Variants in TRIP6 observed in about 807,000 individuals in gnomAD.
The protein encoded by TRIP6 is thyroid receptor-interacting protein 6.
In TRIP6, 33 loss-of-function variants were observed where a neutral mutation model predicts 51.9. The observed-to-expected ratio is 0.64, with a 90% CI of 0.48 to 0.85. The LOEUF (loss-of-function observed/expected upper bound fraction) is 0.85. Among genes scored for constraint, TRIP6 ranks in the 40% least tolerant of loss-of-function variants. The pLI, the probability that TRIP6 is intolerant of heterozygous loss-of-function variation, is 0.00. For synonymous variants in TRIP6, 255 were observed against 275.8 expected, an observed-to-expected ratio of 0.92 and a Z score of 0.75; for missense variants, 661 against 652.1, an observed-to-expected ratio of 1.01 and a Z score of -0.15.
chr7:100,868,597 T>C lies in TRIP6; in HGVS notation c.466T>C (p.Ser156Pro). The C allele has an allele frequency of 6.2e-7, 1 of 1,612,972 alleles. No individual in the cohort carries two copies. The highest frequency in any genetic ancestry group is 8.5e-7 in the Non-Finnish European group (1 of 1,179,984). Residue 156 changes from serine (S) to proline (P), a missense_variant, in exon 4 of 9, where the codon TCT (serine) becomes CCT (proline). Physicochemically the swap from Ser to Pro is moderately conservative, Grantham distance 74 (BLOSUM62 -1). Coordinates refer to ENST00000200457, the MANE Select transcript of TRIP6 (RefSeq NM_003302.3). ...TCCCTATGGGGGCCCCACTCCAGCC[T>C]CTTACACTACCGCCAGCACCCCGGC... ...ASPYGGPTPA[S>P]YTTASTPAGP...
At chr7:100,868,412 C>G (rs1815193286) in intron 3 of TRIP6, 83 bp from the exon 4 acceptor site, 1 of 1,600,310 alleles carries the variant, frequency 6.2e-7, no homozygotes, top group Admixed American at 1.7e-5. Context: ...GCCTGTGCTT[C>G]CCCACAGCCA....
At position 100,867,490 on chromosome 7, in the gene TRIP6, T is replaced by G. The variant is rs1815163249; in HGVS notation, c.-8T>G. ...AAGACCGCTGTCTGGAGTCCCCCTT[T>G]CCAGGCCATGTCGGGGCCCACCTGG... On this transcript the variant is annotated 5_prime_UTR_variant, in exon 1 of 9. Coordinates refer to ENST00000200457, the MANE Select transcript of TRIP6 (RefSeq NM_003302.3). The surrounding 1 kb of genome is among the most constrained non-coding windows in gnomAD (Gnocchi z 5.4). 6.8e-7 allele frequency: 1 copy of G among 1,470,616 alleles called. No homozygotes were observed. The allele number at this position is 1,470,616 out of a possible 1,614,324, so 91.1% of individuals were successfully genotyped here.
Position 100,870,651 on chromosome 7 carries a change from G to T in TRIP6, c.907G>T (p.Gly303Cys). 1 of 1,614,112 alleles carries T rather than the reference G, an allele frequency of 6.2e-7. No homozygotes were observed. Among genetic ancestry groups the T allele is most frequent in the Non-Finnish European group, 8.5e-7 (1 of 1,179,976 alleles). Residue 303 changes from glycine to cysteine, a missense_variant, in exon 6 of 9, where the codon GGC becomes TGC. By Grantham distance (159) the Gly-to-Cys change is radical. Transcript: ENST00000200457. ...GGCCCTTGATCGCGTCTTTCACGTG[G>T]GCTGCTTTGTATGTTCTACATGCCG... ...VVALDRVFHV[G>C]CFVCSTCRAQ...
Position 100,867,492 on chromosome 7 carries a change from C to T in TRIP6, c.-6C>T. 1 of 1,471,950 alleles carries T rather than the reference C, an allele frequency of 6.8e-7. No individual in the cohort carries two copies. Among genetic ancestry groups the T allele is most frequent in the Non-Finnish European group, 9.0e-7 (1 of 1,112,070 alleles). The allele number at this position is 1,471,950 out of a possible 1,614,324, so 91.2% of individuals were successfully genotyped here. On this transcript the variant is annotated 5_prime_UTR_variant, in exon 1 of 9. Coordinates refer to ENST00000200457, the MANE Select transcript of TRIP6 (RefSeq NM_003302.3). The surrounding 1 kb of genome is among the most constrained non-coding windows in gnomAD (Gnocchi z 5.4). The stretch of plus-strand genomic sequence containing the variant: ...GACCGCTGTCTGGAGTCCCCCTTTC[C>T]AGGCCATGTCGGGGCCCACCTGGCT...
intron 6 of TRIP6, 65 bp downstream of exon 6, chr7:100,870,808 G>A (rs1815253907): frequency 1.9e-6 from 3 of 1,548,900 alleles, no homozygotes; most frequent in Admixed American, 3.8e-5. Flanking sequence ...ATCCAAGGTG[G>A]TAACTAGAGC....
rs762049040 is a variant in TRIP6 at position 100,868,173 on chromosome 7, C to T, written c.303C>T (p.Ser101=). ...TGGACGCCGAGATAGACTTGCTGAG[C>T]AGCACGCTGGCCGAGCTGAATGGGG... ...GSLDAEIDLL[S]STLAELNGGR... The change falls in exon 3 of 9, where the codon AGC becomes AGT. Residue 101 remains serine, a synonymous_variant. Coordinates refer to ENST00000200457, the MANE Select transcript of TRIP6 (RefSeq NM_003302.3). 2 of 1,610,456 alleles carry T rather than the reference C, an allele frequency of 1.2e-6. No homozygotes were observed. Among genetic ancestry groups the T allele is most frequent in the Admixed American group, 1.7e-5 (1 of 58,986 alleles).
Position 100,868,244 on chromosome 7 carries a change from C to A in TRIP6, c.363+11C>A, listed in dbSNP as rs763180311. The A allele has an allele frequency of 6.2e-6, 10 of 1,604,986 alleles. No homozygotes were observed. The Admixed American group carries it at 1.7e-4, about 27-fold the overall frequency. On this transcript the variant is annotated intron_variant, in intron 3 of 8. Transcript: ENST00000200457. ...CGACCAGACCGACAGGTGACTCTGCCCCTCCTCCCCGTCAGCACCCTGCCC... is the reference window on the plus strand; with the variant it reads ...CGACCAGACCGACAGGTGACTCTGCACCTCCTCCCCGTCAGCACCCTGCCC...
rs1815324818 is a variant in TRIP6, at chr7:100,873,440, C to T, written c.*137C>T. On this transcript the variant is annotated 3_prime_UTR_variant, in exon 9 of 9. Transcript: ENST00000200457. ...CTCCAATCAAGAAATAATAATCCCT[C>T]GAGTTTACAAAACACTTCCAAGTCT... is the stretch of plus-strand genomic sequence containing the variant. 9 of 1,328,886 alleles carry T rather than the reference C, an allele frequency of 6.8e-6. No individual in the cohort carries two copies. The South Asian group carries it at 7.9e-5, about 12-fold the overall frequency. 82.3% of individuals were successfully genotyped at this position (1,328,886 alleles called of 1,614,324 possible). A position where few individuals can be genotyped will look rare whatever the true frequency, so the allele number is the denominator to read the frequency against.
At position 100,867,445 on chromosome 7, in the gene TRIP6, G is replaced by A; in HGVS notation, c.-53G>A. 1 of 1,311,062 alleles carries A rather than the reference G, an allele frequency of 7.6e-7. No individual in the cohort carries two copies. Among genetic ancestry groups the A allele is most frequent in the Middle Eastern group, 1.9e-4 (1 of 5,146 alleles). The allele number at this position is 1,311,062 out of a possible 1,614,324, so 81.2% of individuals were successfully genotyped here. ...GGTGCGGGACGGAAGAGGGGGTGAA[G>A]GCCAGAGGCTCGGGGCTTCAAGACC... On this transcript the variant is annotated 5_prime_UTR_variant, in exon 1 of 9. Coordinates refer to ENST00000200457, the MANE Select transcript of TRIP6 (RefSeq NM_003302.3). The surrounding 1 kb of genome is among the most constrained non-coding windows in gnomAD (Gnocchi z 5.4).
chr7:100,871,703 G>A lies in TRIP6; in HGVS notation c.1160G>A (p.Cys387Tyr). 2 of 1,613,938 alleles carry A rather than the reference G, an allele frequency of 1.2e-6. No homozygotes were observed. Among genetic ancestry groups the A allele is most frequent in the South Asian group, 1.1e-5 (1 of 91,088 alleles). Residue 387 changes from cysteine to tyrosine, a missense_variant, in exon 7 of 9, where the codon TGC (cysteine) becomes TAC (tyrosine). By Grantham distance (194) the Cys-to-Tyr change is radical. Coordinates refer to ENST00000200457, the MANE Select transcript of TRIP6 (RefSeq NM_003302.3). ...FTVDATSQIH[C>Y]IEDFHRKFAP... ...GTGGATGCTACGAGCCAGATCCACT[G>A]CATTGAGGACTTTCACAGGTCAGGC...
Position 100,867,551 on chromosome 7 carries a change from T to C in TRIP6, c.54T>C (p.Pro18=). ...PPKQPEPARA[P]QGRAIPRGTP... is the part of the protein sequence containing the mutation. ...AGCAGCCGGAGCCCGCCAGAGCCCCTCAGGGGAGGGCGATCCCCCGCGGCA... is the reference window on the plus strand; with the variant it reads ...AGCAGCCGGAGCCCGCCAGAGCCCCCCAGGGGAGGGCGATCCCCCGCGGCA... The change falls in exon 1 of 9, where the codon CCT becomes CCC. Residue 18 remains proline, a synonymous_variant. Coordinates refer to ENST00000200457, the MANE Select transcript of TRIP6 (RefSeq NM_003302.3). The surrounding 1 kb of genome is among the most constrained non-coding windows in gnomAD (Gnocchi z 5.4). 2 of 1,539,168 alleles carry C rather than the reference T, an allele frequency of 1.3e-6. No individual in the cohort carries two copies. Among genetic ancestry groups the C allele is most frequent in the Non-Finnish European group, 8.7e-7 (1 of 1,144,808 alleles).
In TRIP6 at chr7:100,868,466, T is replaced by A. The variant is rs1815194547; in HGVS notation, c.364-29T>A. On this transcript the variant is annotated intron_variant, in intron 3 of 8. Coordinates refer to ENST00000200457, the MANE Select transcript of TRIP6 (RefSeq NM_003302.3). ...TGGGTCTTGGAGTGGGGTCCTTGCT[T>A]ACGACTTCTGGCCTGCGTTTCTCCT... 8 of 1,612,942 alleles carry A rather than the reference T, an allele frequency of 5.0e-6. No homozygotes were observed. In the East Asian group the frequency reaches 1.8e-4, roughly 36 times the overall value.
chr7:100,871,080 C>G (rs888533464), intron 6 of TRIP6: 1 of 514,476 alleles, frequency 1.9e-6, no homozygotes, highest in South Asian at 1.5e-5. Flanking sequence ...GTTGCGCAGA[C>G]TGGAGTGCAG....
In TRIP6 at chr7:100,870,690, G is replaced by A. The variant is rs767420602; in HGVS notation, c.946G>A (p.Gly316Ser). The A allele has an allele frequency of 4.9e-5, 79 of 1,614,002 alleles. No individual in the cohort carries two copies. Among genetic ancestry groups the A allele is most frequent in the East Asian group, 8.9e-5 (4 of 44,898 alleles). The change falls in exon 6 of 9, where the codon GGC becomes AGC. Residue 316 changes from glycine to serine, a missense_variant. Gly to Ser is a moderately conservative substitution (Grantham distance 56). Coordinates refer to ENST00000200457, the MANE Select transcript of TRIP6 (RefSeq NM_003302.3). ...VCSTCRAQLR[G>S]QHFYAVERRA... The stretch of plus-strand genomic sequence containing the variant: ...TTCTACATGCCGGGCCCAGCTTCGC[G>A]GCCAGCATTTCTACGCCGTGGAGAG...
Position 100,871,606 on chromosome 7 carries a change from G to C in TRIP6, c.1063G>C (p.Gly355Arg), listed in dbSNP as rs1339292688. The C allele has an allele frequency of 6.2e-7, 1 of 1,614,128 alleles. No homozygotes were observed. Among genetic ancestry groups the C allele is most frequent in the Admixed American group, 1.7e-5 (1 of 60,022 alleles). The change falls in exon 7 of 9, where the codon GGG becomes CGG. Residue 355 changes from glycine to arginine, a missense_variant. Gly to Arg is a moderately radical substitution (Grantham distance 125). Transcript: ENST00000200457. Reference sequence around the variant, plus strand: ...CCTGGACCGGATCCTGCGGGCTATGGGGAAGGCCTACCACCCTGGCTGCTT... The same window carrying C: ...CCTGGACCGGATCCTGCGGGCTATGCGGAAGGCCTACCACCCTGGCTGCTT... ...PILDRILRAM[G>R]KAYHPGCFTC...
chr7:100,869,927 G>A lies in TRIP6; in HGVS notation c.736-443G>A, dbSNP rs540222847. ...ATATATAGTATATATAATTGTTTCG[G>A]TATATATTACAATGTATATTACAAT... is the stretch of plus-strand genomic sequence containing the variant. On this transcript the variant is annotated intron_variant, in intron 4 of 8. Coordinates refer to ENST00000200457, the MANE Select transcript of TRIP6 (RefSeq NM_003302.3). Among the ~76,000 whole-genome samples, 233 of 151,100 alleles carry A rather than the reference G, an allele frequency of 1.5e-3. 3 individuals are homozygous for A. The highest frequency in any genetic ancestry group is 5.5e-3 in the African/African-American group (225 of 41,254).
chr7:100,872,388 T>G (rs1815293948), intron 7 of TRIP6, among the ~76,000 whole-genome samples: 1 of 151,852 alleles, frequency 6.6e-6, no homozygotes, highest in Non-Finnish European at 1.5e-5. Context: ...AGGCTGGTCT[T>G]GAACGCCTGG....
Position 100,868,756 on chromosome 7 carries a change from TG to T in TRIP6, c.630del (p.Pro211LeufsTer38). 1.3e-6 allele frequency: 2 copies of T among 1,547,244 alleles called. No homozygotes were observed. Among genetic ancestry groups the T allele is most frequent in the Non-Finnish European group, 1.7e-6 (2 of 1,150,766 alleles). ...TCCTCTCCCAGGCCGAGGTGAAGTC[TG>T]GGGGCCTGGCTATAGGAGCCAGAGA... ...HFPLPGRGEV[W>X]GPGYRSQREP... On this transcript the variant is annotated frameshift_variant, in exon 4 of 9. Coordinates refer to ENST00000200457, the MANE Select transcript of TRIP6 (RefSeq NM_003302.3). LOFTEE classifies it high-confidence loss of function.
chr7:100,872,852 C>CCT, intron 8 of TRIP6, 108 bp downstream of exon 8: 1 of 1,179,318 alleles, frequency 8.5e-7, no homozygotes, highest in Non-Finnish European at 1.1e-6. Flanking sequence ...TTGCTTCTTT[C>CCT]TTTTTTTTTT....
Sources: gnomAD v4.1 joint callset for allele counts (sites outside exome capture counted in the v4.1 genomes callset) on GRCh38, gnomAD v4.1.1 for gene constraint, Gnocchi (gnomAD v3.1) non-coding constraint, MANE v1.5 for transcripts, NCBI Gene and HGNC (gene_info 2026-07-23, HGNC 2026-07-21) for gene names.